Variants in DCTN1 observed in about 807,000 individuals in gnomAD.
DCTN1 encodes 150 kDa dynein-associated polypeptide.
A neutral mutation model predicts 161.2 loss-of-function variants in DCTN1; 61 were observed. The observed-to-expected ratio is 0.38, with a 90% confidence interval of 0.31 to 0.47. The LOEUF is 0.47. Among genes scored for constraint, DCTN1 ranks in the 20% least tolerant of loss-of-function variants. DCTN1 has a pLI of 0.99. For synonymous variants in DCTN1, 653 were observed against 632.4 expected (o/e 1.03, Z -0.49); for missense variants, 1,404 against 1,623.7 (o/e 0.86, Z 2.33).
intron 5 of DCTN1, 24 bp downstream of exon 5, chr2:74,376,718 A>G: frequency 1.0e-5 from 16 of 1,599,110 alleles, no homozygotes; most frequent in Non-Finnish European, 1.4e-5. Context: ...CCATCCACCC[A>G]GGCACAAATA....
At position 74,363,131 on chromosome 2, in the gene DCTN1, A is replaced by G; in HGVS notation, c.3392T>C (p.Val1131Ala). ...ASLASLPPLH[V>A]AKLSHEGPGS... ...AGGGCCCTCATGGGATAGCTTTGCA[A>G]CATGCAGAGGGGGCAGGGATGCCAA... Residue 1131 changes from valine to alanine, a missense_variant, in exon 29 of 32, where the codon GTT becomes GCT. Transcript: ENST00000628224. The G allele has an allele frequency of 6.2e-7, 1 of 1,614,102 alleles. No homozygotes were observed. Among genetic ancestry groups the G allele is most frequent in the Non-Finnish European group, 8.5e-7 (1 of 1,179,984 alleles).
At chr2:74,380,324 C>A, upstream of DCTN1, 1 of 566,474 alleles carries the variant, frequency 1.8e-6, no homozygotes. Flanking sequence ...GCTAGTGCTG[C>A]TCTAGACTTG....
chr2:74,377,518 G>A lies in DCTN1; in HGVS notation c.359-52C>T, dbSNP rs561766662. On this transcript the variant is annotated intron_variant, in intron 3 of 31. Transcript: ENST00000628224. Reference sequence around the variant, plus strand: ...GTGTACTTGTATAGAGAGGTAGGGGGAGATATAATAAGGGAATATGGTAGT... The same window carrying A: ...GTGTACTTGTATAGAGAGGTAGGGGAAGATATAATAAGGGAATATGGTAGT... 5.8e-6 allele frequency: 9 copies of A among 1,561,094 alleles called. No homozygotes were observed. In the African/African-American group the frequency reaches 9.5e-5, roughly 16 times the overall value.
chr2:74,377,853 A>G, intron 2 of DCTN1, 127 bp from the exon 3 acceptor site: 8 of 1,443,518 alleles, frequency 5.5e-6, no homozygotes, highest in Non-Finnish European at 7.7e-6. Context: ...CTAAGGATGC[A>G]TCTTCAATCT....
chr2:74,371,958 A>T (rs1453633323), intron 7 of DCTN1: 2 of 554,392 alleles, frequency 3.6e-6, no homozygotes, highest in Non-Finnish European at 6.5e-6. Flanking sequence ...GAGGCAGAGG[A>T]GAGAGGGAGG....
chr2:74,367,230 G>C, intron 19 of DCTN1, 122 bp downstream of exon 19: 2 of 1,527,806 alleles, frequency 1.3e-6, no homozygotes, highest in East Asian at 2.3e-5. Flanking sequence ...TAGTTTCCCT[G>C]ATATGGCTTT....
In DCTN1 at chr2:74,370,561, A is replaced by G. The variant is rs1558941939; in HGVS notation, c.1049-17T>C. 1 of 1,614,060 alleles carries G rather than the reference A, an allele frequency of 6.2e-7. No homozygotes were observed. The highest frequency in any genetic ancestry group is 8.5e-7 in the Non-Finnish European group (1 of 1,180,022). On this transcript the variant is annotated splice_polypyrimidine_tract_variant and intron_variant, in intron 10 of 31. Transcript: ENST00000628224. This position sits in a 1 kb window ranked among gnomAD's most constrained non-coding sequence, Gnocchi z 4.4. The stretch of plus-strand genomic sequence containing the variant: ...CATCTGAGCCTGGAGAAGATCATTA[A>G]CACTTTCAGGCATGGTTCTCACCTG...
chr2:74,371,264 G>A, intron 8 of DCTN1, 88 bp from the exon 9 acceptor site: 1 of 1,604,780 alleles, frequency 6.2e-7, no homozygotes, highest in Non-Finnish European at 8.5e-7. Flanking sequence ...AAGAAAGTGT[G>A]CAAACATCAC....
chr2:74,370,147 AG>A lies in DCTN1; in HGVS notation c.1287+38del. On this transcript the variant is annotated intron_variant, in intron 12 of 31. Coordinates refer to ENST00000628224, the MANE Select transcript of DCTN1 (RefSeq NM_004082.5). The surrounding 1 kb of genome is among the most constrained non-coding windows in gnomAD (Gnocchi z 4.4). ...GGAGGCATCAACTGATAGGAGAGTC[AG>A]GTGGGGGATTCTGGGTGAGGGGCTG... 3 of 1,613,864 alleles carry A rather than the reference AG, an allele frequency of 1.9e-6. No homozygotes were observed. The South Asian group carries it at 3.3e-5, about 18-fold the overall frequency.
intron 2 of DCTN1, 56 bp downstream of exon 2, chr2:74,377,944 G>A: frequency 6.2e-7 from 1 of 1,609,554 alleles, no homozygotes; most frequent in Non-Finnish European, 8.5e-7. Context: ...CACATCAGCT[G>A]CACATGCGAC....
At chr2:74,377,859 A>T (rs1187386176) in intron 2 of DCTN1, 133 bp from the exon 3 acceptor site, 19 of 1,472,026 alleles carry the variant, frequency 1.3e-5, no homozygotes, top group Non-Finnish European at 1.8e-5. Flanking sequence ...ATGCATCTTC[A>T]ATCTTCCCTC....
intron 4 of DCTN1, among the ~76,000 whole-genome samples, chr2:74,376,992 G>A (rs774609589): frequency 1.6e-4 from 25 of 152,160 alleles, no homozygotes; most frequent in Non-Finnish European, 2.5e-4. Flanking sequence ...GAAGAACTAG[G>A]AAGCACTCTC....
Position 74,377,481 on chromosome 2 carries a change from C to G in DCTN1, c.359-15G>C, listed in dbSNP as rs1432692388. On this transcript the variant is annotated splice_polypyrimidine_tract_variant and intron_variant, in intron 3 of 31. Transcript: ENST00000628224. ...ATCAGTTCCCTCTGTAGAAAGCAAA[C>G]AGAAACAAAGTGTGTACTTGTATAG... The G allele has an allele frequency of 6.2e-7, 1 of 1,612,082 alleles. No individual in the cohort carries two copies. Among genetic ancestry groups the G allele is most frequent in the Admixed American group, 1.7e-5 (1 of 60,002 alleles).
rs1675289224 is a variant in DCTN1, at chr2:74,377,440, T to C, written c.385A>G (p.Ser129Gly). 2 of 1,613,620 alleles carry C rather than the reference T, an allele frequency of 1.2e-6. No individual in the cohort carries two copies. Among genetic ancestry groups the C allele is most frequent in the Admixed American group, 3.3e-5 (2 of 60,028 alleles). The change falls in exon 4 of 32, where the codon AGC becomes GGC. Residue 129 changes from serine to glycine, a missense_variant. Ser to Gly is a moderately conservative substitution (Grantham distance 56, BLOSUM62 0). Around this residue, in one of 9 missense-constraint regions of DCTN1, gnomAD observed 174 missense variants for 175.6 expected, o/e 0.99. Coordinates refer to ENST00000628224, the MANE Select transcript of DCTN1 (RefSeq NM_004082.5). ...ACCCCCAAATCACTCACCAGTTTGC[T>C]AGTCTTTGCAGTTGTATCAGTTCCC... is the stretch of plus-strand genomic sequence containing the variant. ...REGTDTTAKT[S>G]KLRGLKPKKA... is the part of the protein sequence containing the mutation.
chr2:74,380,683 T>C, upstream of DCTN1: 1 of 414,450 alleles, frequency 2.4e-6, no homozygotes, highest in South Asian at 1.8e-5. Flanking sequence ...TCCAAATTCA[T>C]GTGAGTAGGG....
At chr2:74,371,510 C>A (rs932332339) in intron 8 of DCTN1, 27 bp downstream of exon 8, 1 of 1,549,690 alleles carries the variant, frequency 6.5e-7, no homozygotes. Context: ...TGTCTTGATT[C>A]TCCTTTACCC....
At position 74,371,569 on chromosome 2, in the gene DCTN1, C is replaced by G. The variant is rs770153273; in HGVS notation, c.613G>C (p.Gly205Arg). The change falls in exon 8 of 32, where the codon GGA (glycine) becomes CGA (arginine). Residue 205 changes from glycine (G) to arginine (R), a missense_variant. Physicochemically the swap from Gly to Arg is moderately radical, Grantham distance 125 (BLOSUM62 -2). This residue lies in a region of DCTN1 where 174 missense variants were observed against 175.6 expected (regional missense o/e 0.99). Coordinates refer to ENST00000628224, the MANE Select transcript of DCTN1 (RefSeq NM_004082.5). The stretch of plus-strand genomic sequence containing the variant: ...GGGGAAGGAAGCGGGGGGACTGCTC[C>G]AGGAGAGGTGAGGACCGGCGTGGGG... ...IIPTPVLTSP[G>R]AVPPLPSPSK... 7 of 1,584,538 alleles carry G rather than the reference C, an allele frequency of 4.4e-6. No individual in the cohort carries two copies. The Admixed American group carries it at 1.3e-4, about 29-fold the overall frequency.
At chr2:74,373,349 C>T (rs1421566520) in intron 6 of DCTN1, 1 of 320,862 alleles carries the variant, frequency 3.1e-6, no homozygotes, top group African/African-American at 2.1e-5. Context: ...CCAGCCACCA[C>T]TCCCAAGGAC....
intron 1 of DCTN1, among the ~76,000 whole-genome samples, chr2:74,387,508 CA>C (rs371351843): frequency 7.2e-4 from 110 of 151,960 alleles, no homozygotes; most frequent in African/African-American, 2.4e-3. Context: ...AACAAACAAA[CA>C]AAAAAAAGTT....
Sources: allele counts gnomAD v4.1 joint callset (sites outside exome capture counted in the v4.1 genomes callset), GRCh38; gene constraint gnomAD v4.1.1; regional missense constraint gnomAD v4.1.1; non-coding constraint Gnocchi (gnomAD v3.1); transcripts MANE v1.5; gene names NCBI Gene and HGNC (gene_info 2026-07-23, HGNC 2026-07-21).